ENTREP2: variants seen among roughly 807,000 people sequenced by gnomAD.
ENTREP2 encodes the protein protein ENTREP2.
At chr15:29,424,785 T>C in the ENTREP2 span, among the ~76,000 whole-genome samples, 11 of 152,306 alleles carry the variant, frequency 7.2e-5, no homozygotes, top group African/African-American at 2.6e-4. Context: ...TTCTGAAAGT[T>C]GTCTTCTGCA....
the ENTREP2 span, among the ~76,000 whole-genome samples, chr15:29,447,411 C>T: frequency 1.8e-4 from 27 of 152,198 alleles, no homozygotes; most frequent in Non-Finnish European, 7.3e-5. Context: ...GAGGCTGCTT[C>T]CCAGCTCCTG....
chr15:29,118,568 G>A, the ENTREP2 span, among the ~76,000 whole-genome samples: 9 of 152,202 alleles, frequency 5.9e-5, no homozygotes, highest in Non-Finnish European at 8.8e-5. Context: ...CGGGGTCAGC[G>A]CCAGGTTCTT....
the ENTREP2 span, among the ~76,000 whole-genome samples, chr15:29,590,679 G>T: frequency 2.4e-3 from 159 of 66,432 alleles, no homozygotes; most frequent in African/African-American, 9.2e-3. Flanking sequence ...GCAAGACTCC[G>T]TCTCAAAAAA....
At chr15:29,138,551 GTGTGCATGTGCATGTGTA>G in the ENTREP2 span, among the ~76,000 whole-genome samples, 1 of 144,798 alleles carries the variant, frequency 6.9e-6, no homozygotes, top group East Asian at 2.1e-4. Flanking sequence ...TTGTGTGTGT[GTGTGCATGTGCATGTGTA>G]TGTGCATGTG....
chr15:29,404,959 C>T, the ENTREP2 span, among the ~76,000 whole-genome samples: 1 of 152,134 alleles, frequency 6.6e-6, no homozygotes, highest in African/African-American at 2.4e-5. Context: ...TGGGCCCCGG[C>T]CCCCAGTTCC....
chr15:29,606,731 AT>A, the ENTREP2 span, among the ~76,000 whole-genome samples: 48 of 150,388 alleles, frequency 3.2e-4, no homozygotes, highest in East Asian at 5.8e-4. Context: ...GGTTCAAATG[AT>A]TTTTTTTTTC....
the ENTREP2 span, among the ~76,000 whole-genome samples, chr15:29,432,976 G>C: frequency 6.6e-6 from 1 of 152,212 alleles, no homozygotes; most frequent in Non-Finnish European, 1.5e-5. Context: ...CCATCTGCAG[G>C]TCTTTATCAT....
chr15:29,612,144 A>G, the ENTREP2 span, among the ~76,000 whole-genome samples: 33 of 152,126 alleles, frequency 2.2e-4, no homozygotes, highest in African/African-American at 6.8e-4. Context: ...ATTGTTGACC[A>G]TTGTCCTTGC....
the ENTREP2 span, among the ~76,000 whole-genome samples, chr15:29,529,323 G>C: frequency 6.6e-6 from 1 of 151,792 alleles, no homozygotes; most frequent in Non-Finnish European, 1.5e-5. Context: ...CTCAGTTTCT[G>C]AGTATCTTCT....
the ENTREP2 span, among the ~76,000 whole-genome samples, chr15:29,168,498 T>G: frequency 6.6e-6 from 1 of 152,296 alleles, no homozygotes; most frequent in Admixed American, 6.5e-5. Context: ...AGACACATCC[T>G]GGGGCAGATC....
At chr15:29,478,858 T>A in the ENTREP2 span, among the ~76,000 whole-genome samples, 724 of 148,014 alleles carry the variant, frequency 4.9e-3, 3 homozygotes, top group African/African-American at 0.017. Flanking sequence ...TGAGCTGAGA[T>A]CTTTTGAGAC....
chr15:29,510,459 T>C, the ENTREP2 span, among the ~76,000 whole-genome samples: 11 of 152,204 alleles, frequency 7.2e-5, no homozygotes, highest in South Asian at 2.1e-4. Flanking sequence ...TGTATGTTTA[T>C]TGCAGCACTA....
At chr15:29,334,093 G>A in the ENTREP2 span, among the ~76,000 whole-genome samples, 1 of 152,186 alleles carries the variant, frequency 6.6e-6, no homozygotes, top group Non-Finnish European at 1.5e-5. Context: ...AACTGTGAAG[G>A]AATAAATTTC....
At chr15:29,579,750 G>A in the ENTREP2 span, among the ~76,000 whole-genome samples, 9 of 110,726 alleles carry the variant, frequency 8.1e-5, no homozygotes, top group South Asian at 2.3e-3. Context: ...TCACTCTGTC[G>A]CCCAGGCTGG....
At chr15:29,378,680 G>A in the ENTREP2 span, among the ~76,000 whole-genome samples, 1 of 152,008 alleles carries the variant, frequency 6.6e-6, no homozygotes, top group Non-Finnish European at 1.5e-5. Context: ...GCAGACTTTC[G>A]AATTGCCCGT....
the ENTREP2 span, among the ~76,000 whole-genome samples, chr15:29,537,478 G>A: frequency 6.6e-6 from 1 of 152,174 alleles, no homozygotes; most frequent in Non-Finnish European, 1.5e-5. Context: ...CTAATGTAGA[G>A]ATTAAACTGT....
chr15:29,483,462 T>C, the ENTREP2 span, among the ~76,000 whole-genome samples: 1 of 152,228 alleles, frequency 6.6e-6, no homozygotes, highest in Non-Finnish European at 1.5e-5. Context: ...CTGTATAATT[T>C]TATGTTTTAC....
At chr15:29,155,235 T>A in the ENTREP2 span, among the ~76,000 whole-genome samples, 1,813 of 148,406 alleles carry the variant, frequency 0.012, 30 homozygotes, top group African/African-American at 0.042. Context: ...TGAGCCAAGA[T>A]CGCGCCACTG....
the ENTREP2 span, among the ~76,000 whole-genome samples, chr15:29,256,800 C>T: frequency 1.3e-5 from 2 of 152,034 alleles, no homozygotes; most frequent in African/African-American, 4.8e-5. Flanking sequence ...TATTCTGTTC[C>T]TCCACTCTAT....
Sources: allele counts gnomAD v4.1 joint callset (sites outside exome capture counted in the v4.1 genomes callset), GRCh38; gene constraint gnomAD v4.1.1; transcripts MANE v1.5; gene names NCBI Gene and HGNC (gene_info 2026-07-23, HGNC 2026-07-21).